Variants in SFXN5 observed in about 807,000 individuals in gnomAD.
SFXN5 encodes the protein sideroflexin 5.
In SFXN5, 43 loss-of-function variants were observed where a neutral mutation model predicts 50.2. That is an observed-to-expected ratio of 0.86 (90% CI 0.67 to 1.11). The LOEUF is 1.11. Ranked by LOEUF, SFXN5 falls within the 50% of genes least tolerant of loss-of-function variation. SFXN5 has a pLI of 0.00. For missense variants in SFXN5, 463 were observed against 454.1 expected, an observed-to-expected ratio of 1.02 and a Z score of -0.18; for synonymous variants, 203 against 185.8, an observed-to-expected ratio of 1.09 and a Z score of -0.75.
At chr2:72,987,959 G>A (rs962512051) in intron 10 of SFXN5, among the ~76,000 whole-genome samples, 1 of 152,220 alleles carries the variant, frequency 6.6e-6, no homozygotes, top group South Asian at 2.1e-4. Flanking sequence ...GCAGTTAGAG[G>A]TTAATGTAAA....
chr2:72,975,144 G>C (rs1464037758), intron 10 of SFXN5, among the ~76,000 whole-genome samples: 1 of 152,238 alleles, frequency 6.6e-6, no homozygotes, highest in African/African-American at 2.4e-5. Flanking sequence ...CAAGCTCAGT[G>C]TTAAGTCCTG....
chr2:73,047,275 TAC>T (rs1300394771), intron 2 of SFXN5, among the ~76,000 whole-genome samples: 27 of 51,748 alleles, frequency 5.2e-4, no homozygotes, highest in African/African-American at 1.6e-3. Flanking sequence ...TATATATATA[TAC>T]ACACATATAT....
intron 6 of SFXN5, among the ~76,000 whole-genome samples, chr2:73,006,084 G>T (rs539770699): frequency 6.6e-6 from 1 of 152,108 alleles, no homozygotes; most frequent in Non-Finnish European, 1.5e-5. Flanking sequence ...ACGTGGCAGC[G>T]TGTCAGTTCT....
At chr2:72,971,482 T>A in intron 11 of SFXN5, 88 bp downstream of exon 11, 1 of 887,494 alleles carries the variant, frequency 1.1e-6, no homozygotes, top group Admixed American at 2.1e-5. Context: ...GTACCCTGGA[T>A]AGAAGCCTGT....
chr2:73,029,115 T>G (rs1304074028), intron 3 of SFXN5, among the ~76,000 whole-genome samples: 1 of 152,132 alleles, frequency 6.6e-6, no homozygotes, highest in African/African-American at 2.4e-5. Context: ...GTTCGCCAGT[T>G]CCAGGCCTGT....
chr2:73,068,115 G>A (rs1034597505), intron 1 of SFXN5, among the ~76,000 whole-genome samples: 1 of 152,150 alleles, frequency 6.6e-6, no homozygotes, highest in African/African-American at 2.4e-5. Flanking sequence ...CTTGCACAGG[G>A]AGACACTTGA....
At chr2:73,020,348 AG>A in intron 5 of SFXN5, 84 bp from the exon 6 acceptor site, 1 of 1,421,188 alleles carries the variant, frequency 7.0e-7, no homozygotes, top group East Asian at 2.3e-5. Flanking sequence ...GTTAGGTCTT[AG>A]GCTATCAGTG....
At chr2:73,039,735 G>T (rs1679375088) in intron 3 of SFXN5, among the ~76,000 whole-genome samples, 1 of 152,104 alleles carries the variant, frequency 6.6e-6, no homozygotes, top group Non-Finnish European at 1.5e-5. Flanking sequence ...CATGGGAACT[G>T]GGGAGGGATA....
chr2:72,945,774 C>T lies in SFXN5; in HGVS notation c.946-675G>A, dbSNP rs1043871403. On this transcript the variant is annotated intron_variant, in intron 13 of 13. Transcript: ENST00000272433. The surrounding 1 kb of genome is among the most constrained non-coding windows in gnomAD (Gnocchi z 5.8). ...CTTGAACCTGACCATGTAATGGAGA[C>T]CCTCAAAATTCCCTGTCCTTGACTT... 6.6e-6 allele frequency among the ~76,000 whole-genome samples: 1 copy of T among 151,944 alleles called. No individual in the cohort carries two copies. The highest frequency in any genetic ancestry group is 1.5e-5 in the Non-Finnish European group (1 of 67,980).
chr2:73,060,638 G>A (rs541031745), intron 1 of SFXN5, among the ~76,000 whole-genome samples: 64 of 151,832 alleles, frequency 4.2e-4, no homozygotes, highest in African/African-American at 1.4e-3. Context: ...TAAAAGTGTT[G>A]TATCCATGTT....
intron 2 of SFXN5, among the ~76,000 whole-genome samples, chr2:73,047,659 T>C (rs1057126791): frequency 3.3e-5 from 5 of 152,104 alleles, no homozygotes; most frequent in African/African-American, 1.2e-4. Context: ...CCATGTAAGA[T>C]GTGACTTTGC....
intron 2 of SFXN5, among the ~76,000 whole-genome samples, chr2:73,047,418 C>G (rs1329149257): frequency 1.4e-5 from 2 of 146,580 alleles, no homozygotes; most frequent in African/African-American, 2.5e-5. Context: ...CATATAAAAT[C>G]TTGGTACAGG....
At chr2:72,999,541 A>C (rs1242453439) in intron 8 of SFXN5, among the ~76,000 whole-genome samples, 1 of 151,964 alleles carries the variant, frequency 6.6e-6, no homozygotes, top group Non-Finnish European at 1.5e-5. Context: ...GAAAAAGCTA[A>C]GGAACTTGCC....
At chr2:73,045,500 G>A (rs1680204895) in intron 2 of SFXN5, among the ~76,000 whole-genome samples, 2 of 152,096 alleles carry the variant, frequency 1.3e-5, no homozygotes, top group Admixed American at 6.6e-5. Context: ...TAGAGAGTTT[G>A]GGAGCCCCAG....
At chr2:73,068,149 C>T (rs1683306319) in intron 1 of SFXN5, among the ~76,000 whole-genome samples, 2 of 152,136 alleles carry the variant, frequency 1.3e-5, no homozygotes, top group South Asian at 4.1e-4. Context: ...AGTTCTAGAG[C>T]GACTCCAGGG....
chr2:73,021,541 G>T (rs1323517785), intron 5 of SFXN5, among the ~76,000 whole-genome samples: 2 of 152,106 alleles, frequency 1.3e-5, no homozygotes, highest in African/African-American at 2.4e-5. Context: ...AAAGCCAGGG[G>T]GTCACAGGGC....
chr2:72,960,779 C>T lies in SFXN5; in HGVS notation c.945+352G>A, dbSNP rs1409018644. 6.6e-6 allele frequency among the ~76,000 whole-genome samples: 1 copy of T among 152,154 alleles called. No homozygotes were observed. Among genetic ancestry groups the T allele is most frequent in the Non-Finnish European group, 1.5e-5 (1 of 68,022 alleles). ...ACCTTCACACCAGGTGTCCGCGGACCTCACATCTCCCCCCGCCACCCCTTT... is the reference window on the plus strand; with the variant it reads ...ACCTTCACACCAGGTGTCCGCGGACTTCACATCTCCCCCCGCCACCCCTTT... On this transcript the variant is annotated intron_variant, in intron 13 of 13. Coordinates refer to ENST00000272433, the MANE Select transcript of SFXN5 (RefSeq NM_144579.3). This position sits in a 1 kb window ranked among gnomAD's most constrained non-coding sequence, Gnocchi z 6.1.
intron 4 of SFXN5, 64 bp downstream of exon 4, chr2:73,023,124 G>C: frequency 6.5e-7 from 1 of 1,535,400 alleles, no homozygotes; most frequent in Non-Finnish European, 8.9e-7. Flanking sequence ...AGATCCCTGG[G>C]ACAGGGCAGG....
intron 10 of SFXN5, among the ~76,000 whole-genome samples, chr2:72,972,799 T>G (rs557601960): frequency 7.9e-5 from 12 of 152,352 alleles, no homozygotes; most frequent in Admixed American, 2.6e-4. Flanking sequence ...TAATGTCAAT[T>G]AATTTTGTAT....
Sources: allele counts gnomAD v4.1 joint callset (sites outside exome capture counted in the v4.1 genomes callset), GRCh38; gene constraint gnomAD v4.1.1; non-coding constraint Gnocchi (gnomAD v3.1); transcripts MANE v1.5; gene names NCBI Gene and HGNC (gene_info 2026-07-23, HGNC 2026-07-21).